The following CDH18 variants were observed in gnomAD, a reference collection of about 807,000 sequenced individuals.
CDH18 encodes cadherin 18.
A neutral mutation model predicts 67.9 loss-of-function variants in CDH18; 31 were observed. The observed-to-expected ratio is 0.46, with a 90% CI of 0.34 to 0.62. CDH18 has a LOEUF of 0.62. CDH18 is among the 20% of genes least tolerant of loss of function. The pLI is 0.01. For synonymous variants in CDH18, 362 were observed against 347.2 expected, an observed-to-expected ratio of 1.04 and a Z score of -0.48; for missense variants, 890 against 975.5, an observed-to-expected ratio of 0.91 and a Z score of 1.17.
At chr5:20,179,510 A>C (rs1280650722) in intron 2 of CDH18, among the ~76,000 whole-genome samples, 1 of 152,160 alleles carries the variant, frequency 6.6e-6, no homozygotes, top group African/African-American at 2.4e-5. Flanking sequence ...AAACTGACTA[A>C]ATTGTGTACT....
intron 1 of CDH18, among the ~76,000 whole-genome samples, chr5:20,356,819 A>G (rs906950860): frequency 1.3e-5 from 2 of 149,468 alleles, no homozygotes; most frequent in South Asian, 2.1e-4. Flanking sequence ...ATGTATATAT[A>G]CACATATATA....
At chr5:19,740,559 A>C (rs1768973906) in intron 4 of CDH18, among the ~76,000 whole-genome samples, 1 of 152,154 alleles carries the variant, frequency 6.6e-6, no homozygotes, top group African/African-American at 2.4e-5. Context: ...AATTAAGACA[A>C]ACACCTTTAC....
intron 8 of CDH18, among the ~76,000 whole-genome samples, chr5:19,548,480 C>T (rs536649127): frequency 4.0e-5 from 6 of 151,748 alleles, no homozygotes; most frequent in South Asian, 2.1e-4. Context: ...TACTTAAATG[C>T]GTATATGAGT....
At chr5:19,618,833 T>C (rs1227309719) in intron 5 of CDH18, among the ~76,000 whole-genome samples, 1 of 152,172 alleles carries the variant, frequency 6.6e-6, no homozygotes, top group Non-Finnish European at 1.5e-5. Flanking sequence ...TTGGAGGATC[T>C]GCTTATGCAA....
At position 20,172,207 on chromosome 5, in the gene CDH18, T is replaced by TATAC. The variant is rs1554098713; in HGVS notation, c.-518+83236_-518+83237insGTAT. Among the ~76,000 whole-genome samples, 5 of 65,834 alleles carry TATAC rather than the reference T, an allele frequency of 7.6e-5. 1 individual carries two copies. Among genetic ancestry groups the TATAC allele is most frequent in the Non-Finnish European group, 1.4e-4 (5 of 35,894 alleles). The allele number at this position is 65,834 out of a possible 152,430, so 43.2% of individuals were successfully genotyped here. On this transcript the variant is annotated intron_variant, in intron 2 of 14. Coordinates refer to the CDH18 transcript ENST00000507958. ...CATTGTGTGTATATATATATATATA[T>TATAC]ATATATATATATATATGTATATATA...
In CDH18 at chr5:19,472,501, G is replaced by T. The variant is rs978631915; in HGVS notation, c.*725C>A. 6.6e-6 allele frequency among the ~76,000 whole-genome samples: 1 copy of T among 151,980 alleles called. No homozygotes were observed. Among genetic ancestry groups the T allele is most frequent in the African/African-American group, 2.4e-5 (1 of 41,378 alleles). ...TCTTTCTGTCCATTTAAAAATAGGA[G>T]TATCCCATTAAAATAAAAGGGGGTG... On this transcript the variant is annotated 3_prime_UTR_variant, in exon 13 of 13. Transcript: ENST00000382275.
chr5:19,643,896 T>C (rs898261381), intron 5 of CDH18, among the ~76,000 whole-genome samples: 4 of 152,180 alleles, frequency 2.6e-5, no homozygotes, highest in Admixed American at 2.0e-4. Flanking sequence ...AGTTTGATCG[T>C]GATAAATATT....
intron 2 of CDH18, among the ~76,000 whole-genome samples, chr5:19,994,829 AATATATAT>A (rs1554078421): frequency 2.9e-4 from 6 of 21,028 alleles, no homozygotes; most frequent in South Asian, 3.1e-3. Context: ...ATATAAAGAG[AATATATAT>A]ATATATATAT....
rs929627922 is a variant in CDH18 at position 20,103,727 on chromosome 5, C to T, written c.-517-111713G>A. ...CAACCTGGGCAATAGTGTGAGACGC[C>T]GTCTCAAAAAAAAAAAGAAAAATAT... On this transcript the variant is annotated intron_variant, in intron 2 of 14. Transcript: ENST00000507958. Among the ~76,000 whole-genome samples the T allele has an allele frequency of 7.6e-4, 110 of 144,574 alleles. 1 individual carries two copies. The highest frequency in any genetic ancestry group is 1.6e-4 in the Non-Finnish European group (11 of 66,756). 94.8% of individuals were successfully genotyped at this position (144,574 alleles called of 152,430 possible).
intron 1 of CDH18, among the ~76,000 whole-genome samples, chr5:20,535,499 C>T (rs1756658386): frequency 6.6e-6 from 1 of 152,164 alleles, no homozygotes; most frequent in African/African-American, 2.4e-5. Flanking sequence ...ACTTTATTTC[C>T]ACCTGTGAAG....
intron 1 of CDH18, chr5:20,305,918 A>G (rs559980336): frequency 2.3e-4 from 39 of 166,396 alleles, no homozygotes; most frequent in East Asian, 6.9e-4. Flanking sequence ...ACTTATTTCA[A>G]TCCATCATAT....
At chr5:19,957,564 T>C (rs933853249) in intron 2 of CDH18, among the ~76,000 whole-genome samples, 1 of 151,866 alleles carries the variant, frequency 6.6e-6, no homozygotes, top group African/African-American at 2.4e-5. Context: ...TTTAGAAACA[T>C]GGAGTTATTT....
intron 2 of CDH18, among the ~76,000 whole-genome samples, chr5:20,079,483 A>C (rs1361841467): frequency 2.6e-5 from 4 of 152,096 alleles, no homozygotes; most frequent in Non-Finnish European, 5.9e-5. Flanking sequence ...GGTTGTTTTC[A>C]TATGTTGACT....
chr5:19,755,578 A>G (rs1771500729), intron 3 of CDH18, among the ~76,000 whole-genome samples: 1 of 145,250 alleles, frequency 6.9e-6, no homozygotes, highest in African/African-American at 2.5e-5. Context: ...AATATAGGAT[A>G]TATATAATAT....
At chr5:20,502,317 A>T (rs561240394) in intron 1 of CDH18, among the ~76,000 whole-genome samples, 1 of 152,304 alleles carries the variant, frequency 6.6e-6, no homozygotes, top group Middle Eastern at 3.4e-3. Context: ...TATGAGTAAG[A>T]GAAAATATAA....
chr5:19,752,554 C>T (rs139475994), intron 3 of CDH18, among the ~76,000 whole-genome samples: 74 of 152,218 alleles, frequency 4.9e-4, no homozygotes, highest in African/African-American at 1.6e-3. Flanking sequence ...AGTTCAGACA[C>T]GCCTGGCCCT....
intron 1 of CDH18, among the ~76,000 whole-genome samples, chr5:20,376,030 G>A (rs186536983): frequency 1.7e-4 from 25 of 150,508 alleles, no homozygotes; most frequent in African/African-American, 5.1e-4. Context: ...ACTGAATAAA[G>A]CTGGCACTGA....
chr5:20,552,249 G>C (rs915109039), intron 1 of CDH18, among the ~76,000 whole-genome samples: 2 of 151,870 alleles, frequency 1.3e-5, no homozygotes, highest in Non-Finnish European at 2.9e-5. Context: ...GACCGACATG[G>C]GCAGATCACT....
chr5:20,115,303 G>A (rs1363334995), intron 2 of CDH18, among the ~76,000 whole-genome samples: 4 of 41,510 alleles, frequency 9.6e-5, no homozygotes, highest in East Asian at 9.3e-4. Flanking sequence ...TTTTTGAGAC[G>A]GAGTCTTGCT....
Sources: gnomAD v4.1 joint callset for allele counts (sites outside exome capture counted in the v4.1 genomes callset) on GRCh38, gnomAD v4.1.1 for gene constraint, MANE v1.5 for transcripts, NCBI Gene and HGNC (gene_info 2026-07-23, HGNC 2026-07-21) for gene names.